The following TAOK1 variants were observed in gnomAD, a reference collection of about 807,000 sequenced individuals.
The protein encoded by TAOK1 is TAO kinase 1.
Under a neutral mutation model 138.3 loss-of-function variants are expected in TAOK1, and 21 were observed. That is an observed-to-expected ratio of 0.15 (90% CI 0.11 to 0.22). TAOK1 has a LOEUF of 0.22. TAOK1 is among the 10% of genes least tolerant of loss of function. TAOK1 has a pLI of 1.00. For missense variants in TAOK1, 651 were observed against 1,227.7 expected, an observed-to-expected ratio of 0.53 and a Z score of 7.02; for synonymous variants, 361 against 398.4, an observed-to-expected ratio of 0.91 and a Z score of 1.12.
intron 14 of TAOK1, among the ~76,000 whole-genome samples, chr17:29,510,457 A>G (rs1344968878): frequency 1.3e-5 from 2 of 152,208 alleles, no homozygotes; most frequent in African/African-American, 4.8e-5. Context: ...TGGATGCCAA[A>G]ATTATGTAAG....
intron 15 of TAOK1, chr17:29,513,150 T>C (rs1471518302): frequency 6.7e-6 from 1 of 148,220 alleles, no homozygotes; most frequent in African/African-American, 2.5e-5. Context: ...ATAAAATAAG[T>C]ATAATCAATT....
intron 8 of TAOK1, among the ~76,000 whole-genome samples, chr17:29,482,737 T>C (rs951239857): frequency 2.6e-5 from 4 of 151,608 alleles, no homozygotes; most frequent in African/African-American, 7.3e-5. Context: ...TATATATATA[T>C]ACATATTTTT....
rs2032357358 is a variant in TAOK1 at position 29,543,745 on chromosome 17, T to G, written c.*723T>G. 1 of 152,216 alleles carries G rather than the reference T, an allele frequency of 6.6e-6. No individual in the cohort carries two copies. The highest frequency in any genetic ancestry group is 2.4e-5 in the African/African-American group (1 of 41,458). The allele number at this position is 152,216 out of a possible 1,614,324, so 9.4% of individuals were successfully genotyped here. A position where few individuals can be genotyped will look rare whatever the true frequency, so the allele number is the denominator to read the frequency against. On this transcript the variant is annotated 3_prime_UTR_variant, in exon 20 of 20. Coordinates refer to ENST00000261716, the MANE Select transcript of TAOK1 (RefSeq NM_020791.4). Reference sequence around the variant, plus strand: ...CTTTTTTCCTGAATGCGTCATAGGCTTGTGAGTGATTTTTGTCCATTCAAT... The same window carrying G: ...CTTTTTTCCTGAATGCGTCATAGGCGTGTGAGTGATTTTTGTCCATTCAAT...
At chr17:29,443,489 G>A (rs114056309) in intron 1 of TAOK1, among the ~76,000 whole-genome samples, 1,998 of 152,222 alleles carry the variant, frequency 0.013, 44 homozygotes, top group African/African-American at 0.045. Flanking sequence ...GGAGATGTAT[G>A]GGTTTATGAT....
chr17:29,528,586 T>G (rs2032050706), intron 17 of TAOK1, among the ~76,000 whole-genome samples: 1 of 151,414 alleles, frequency 6.6e-6, no homozygotes, highest in Non-Finnish European at 1.5e-5. Context: ...ATGCCTGTAA[T>G]CCCAGCACTT....
intron 8 of TAOK1, among the ~76,000 whole-genome samples, chr17:29,487,991 C>A (rs1417612411): frequency 1.3e-5 from 2 of 152,158 alleles, no homozygotes; most frequent in African/African-American, 4.8e-5. Context: ...ATAGCATTAC[C>A]TCTGTGATAC....
At chr17:29,507,384 A>G (rs1250054814) in intron 13 of TAOK1, among the ~76,000 whole-genome samples, 1 of 151,606 alleles carries the variant, frequency 6.6e-6, no homozygotes, top group African/African-American at 2.4e-5. Context: ...TGGGTTTTAC[A>G]TTCAGTTCAA....
At chr17:29,520,428 A>G (rs1026654222) in intron 16 of TAOK1, among the ~76,000 whole-genome samples, 1 of 151,242 alleles carries the variant, frequency 6.6e-6, no homozygotes, top group Non-Finnish European at 1.5e-5. Flanking sequence ...TGTCTCTACA[A>G]ATTTTTTTTT....
intron 1 of TAOK1, among the ~76,000 whole-genome samples, chr17:29,432,226 TG>T (rs1312917686): frequency 4.6e-5 from 7 of 152,168 alleles, no homozygotes; most frequent in African/African-American, 1.4e-4. Flanking sequence ...TTAACTAAAA[TG>T]GGAAACAAAG....
At chr17:29,400,695 C>T (rs77971810) in intron 1 of TAOK1, among the ~76,000 whole-genome samples, 5 of 152,098 alleles carry the variant, frequency 3.3e-5, no homozygotes, top group Admixed American at 3.3e-4. Context: ...GAATAGTTTT[C>T]TCAAGCTAGA....
At chr17:29,479,177 C>G (rs1001330866) in intron 6 of TAOK1, among the ~76,000 whole-genome samples, 3 of 151,460 alleles carry the variant, frequency 2.0e-5, no homozygotes, top group African/African-American at 7.3e-5. Flanking sequence ...CTGCTTAAGA[C>G]TCCTTATGCT....
At chr17:29,492,210 A>G (rs2031308244) in intron 10 of TAOK1, among the ~76,000 whole-genome samples, 1 of 152,166 alleles carries the variant, frequency 6.6e-6, no homozygotes, top group Admixed American at 6.5e-5. Flanking sequence ...TCTTACCCCT[A>G]AGAAATGATT....
At chr17:29,501,908 A>G (rs1056132642) in intron 12 of TAOK1, among the ~76,000 whole-genome samples, 2 of 152,080 alleles carry the variant, frequency 1.3e-5, no homozygotes, top group Non-Finnish European at 2.9e-5. Flanking sequence ...ATGGTAGTGC[A>G]TGCCTGTGGT....
chr17:29,433,961 C>T (rs770610050), intron 1 of TAOK1, among the ~76,000 whole-genome samples: 4 of 152,146 alleles, frequency 2.6e-5, no homozygotes, highest in Admixed American at 6.5e-5. Flanking sequence ...GCAGAAGGGG[C>T]CACCATCAGA....
At chr17:29,396,654 A>G (rs1904609836) in intron 1 of TAOK1, among the ~76,000 whole-genome samples, 1 of 152,236 alleles carries the variant, frequency 6.6e-6, no homozygotes, top group Non-Finnish European at 1.5e-5. Context: ...AATAGGATGG[A>G]ACAAAACTTT....
chr17:29,449,044 A>G (rs2030166526), intron 1 of TAOK1, among the ~76,000 whole-genome samples: 1 of 152,210 alleles, frequency 6.6e-6, no homozygotes, highest in Non-Finnish European at 1.5e-5. Flanking sequence ...TGTTAGGTAG[A>G]TAAGAAAGAA....
intron 1 of TAOK1, among the ~76,000 whole-genome samples, chr17:29,400,760 C>T (rs1374360935): frequency 2.0e-5 from 3 of 152,088 alleles, no homozygotes; most frequent in African/African-American, 7.2e-5. Flanking sequence ...TAAGCCAGTG[C>T]TTTCAAACTT....
At chr17:29,466,335 A>G (rs1354876391) in intron 2 of TAOK1, among the ~76,000 whole-genome samples, 1 of 151,696 alleles carries the variant, frequency 6.6e-6, no homozygotes, top group Non-Finnish European at 1.5e-5. Flanking sequence ...GTAGAGATAG[A>G]TTTTCACCAT....
At chr17:29,496,776 C>G (rs9910316) in intron 11 of TAOK1, among the ~76,000 whole-genome samples, 150,859 of 151,862 alleles carry the variant, frequency 0.99, 74,971 homozygotes, top group Middle Eastern at 1. Context: ...TAGTAGAGAC[C>G]GGTTTCGCTA....
Sources: allele counts gnomAD v4.1 joint callset (sites outside exome capture counted in the v4.1 genomes callset), GRCh38; gene constraint gnomAD v4.1.1; transcripts MANE v1.5; gene names NCBI Gene and HGNC (gene_info 2026-07-23, HGNC 2026-07-21).